Variants in GRID2 observed in about 807,000 individuals in gnomAD.
GRID2 encodes the protein glutamate receptor ionotropic, delta-2.
Under a neutral mutation model 114.8 loss-of-function variants are expected in GRID2, and 33 were observed. The ratio of observed to expected loss-of-function variants is 0.29; its 90% CI spans 0.22 to 0.38. GRID2 has a LOEUF of 0.38. Ranked by LOEUF, GRID2 falls within the 10% of genes least tolerant of loss-of-function variation. The pLI, the probability that GRID2 is intolerant of heterozygous loss-of-function variation, is 1.00. For synonymous variants in GRID2, 505 were observed against 449.9 expected, an observed-to-expected ratio of 1.12 and a Z score of -1.55; for missense variants, 1,184 against 1,257.7, an observed-to-expected ratio of 0.94 and a Z score of 0.89.
At chr4:92,600,060 A>ATATATATATC (rs1729149062) in intron 2 of GRID2, among the ~76,000 whole-genome samples, 1 of 122,408 alleles carries the variant, frequency 8.2e-6, no homozygotes, top group African/African-American at 3.3e-5. Flanking sequence ...ATATATATAT[A>ATATATATATC]TATATATATA....
At chr4:92,431,458 C>T (rs919251722) in intron 1 of GRID2, among the ~76,000 whole-genome samples, 1 of 151,842 alleles carries the variant, frequency 6.6e-6, no homozygotes, top group African/African-American at 2.4e-5. Context: ...CCCATTTGGT[C>T]ATGATAAATG....
intron 14 of GRID2, among the ~76,000 whole-genome samples, chr4:93,749,266 C>T (rs1732110541): frequency 6.6e-6 from 1 of 152,088 alleles, no homozygotes; most frequent in South Asian, 2.1e-4. Flanking sequence ...TCCTTTATGA[C>T]ACAAGGGCTT....
intron 2 of GRID2, among the ~76,000 whole-genome samples, chr4:93,037,580 G>A (rs892089497): frequency 9.9e-5 from 15 of 152,014 alleles, no homozygotes; most frequent in Non-Finnish European, 1.8e-4. Flanking sequence ...TAGGTCTTTC[G>A]TTTAAGTCTT....
intron 2 of GRID2, among the ~76,000 whole-genome samples, chr4:93,017,612 C>T (rs1020786618): frequency 4.0e-5 from 6 of 151,638 alleles, no homozygotes; most frequent in Non-Finnish European, 5.9e-5. Flanking sequence ...GTCAGGAGTT[C>T]GAGACCAACA....
In GRID2 at chr4:92,730,869, CATCT is replaced by C. The variant is rs370333271; in HGVS notation, c.244+140591_244+140594del. Among the ~76,000 whole-genome samples, 554 of 152,016 alleles carry C rather than the reference CATCT, an allele frequency of 3.6e-3. 2 individuals carry two copies. Among genetic ancestry groups the C allele is most frequent in the African/African-American group, 0.012 (480 of 41,516 alleles). ...TAGTAAATTATTCAGAAATCTAACT[CATCT>C]ATCTATCAAAAATTGCACTGAGTAA... On this transcript the variant is annotated intron_variant, in intron 2 of 15. Coordinates refer to ENST00000282020, the MANE Select transcript of GRID2 (RefSeq NM_001510.4).
chr4:93,644,573 C>G (rs1721936057), intron 14 of GRID2, among the ~76,000 whole-genome samples: 1 of 152,100 alleles, frequency 6.6e-6, no homozygotes, highest in South Asian at 2.1e-4. Flanking sequence ...CCTAAAAAAA[C>G]CATCGTGGCC....
chr4:92,921,754 C>T (rs890722102), intron 2 of GRID2, among the ~76,000 whole-genome samples: 2 of 152,148 alleles, frequency 1.3e-5, no homozygotes, highest in African/African-American at 4.8e-5. Flanking sequence ...TCAGTCTGCC[C>T]CTACTGGGGA....
intron 14 of GRID2, among the ~76,000 whole-genome samples, chr4:93,749,683 A>G (rs182883620): frequency 6.6e-6 from 1 of 152,326 alleles, no homozygotes; most frequent in African/African-American, 2.4e-5. Flanking sequence ...CACCTCCGCT[A>G]TGACACTTTC....
intron 2 of GRID2, among the ~76,000 whole-genome samples, chr4:92,765,963 C>T (rs1042219787): frequency 7.9e-5 from 12 of 152,132 alleles, no homozygotes; most frequent in African/African-American, 2.9e-4. Flanking sequence ...ATATACACTT[C>T]TGTAGAGACT....
At chr4:92,678,170 T>G (rs1205011296) in intron 2 of GRID2, among the ~76,000 whole-genome samples, 1 of 152,162 alleles carries the variant, frequency 6.6e-6, no homozygotes, top group Admixed American at 6.5e-5. Context: ...TCACTGAATA[T>G]TTTTTATTGC....
chr4:93,145,143 A>T (rs1736091461), intron 4 of GRID2, among the ~76,000 whole-genome samples: 1 of 152,160 alleles, frequency 6.6e-6, no homozygotes, highest in African/African-American at 2.4e-5. Context: ...AGAGAGACCC[A>T]TCTCTGATCA....
intron 1 of GRID2, among the ~76,000 whole-genome samples, chr4:92,467,022 A>C (rs1721791696): frequency 1.3e-5 from 2 of 151,854 alleles, no homozygotes; most frequent in Admixed American, 1.3e-4. Flanking sequence ...AAATACTCTC[A>C]TTTCATTGCA....
At chr4:93,161,353 G>T (rs1737668791) in intron 4 of GRID2, among the ~76,000 whole-genome samples, 1 of 151,758 alleles carries the variant, frequency 6.6e-6, no homozygotes, top group Non-Finnish European at 1.5e-5. Context: ...TCATTTCTGT[G>T]ACCTTTCTGA....
At chr4:93,536,036 C>T (rs1732032010) in intron 13 of GRID2, among the ~76,000 whole-genome samples, 2 of 151,758 alleles carry the variant, frequency 1.3e-5, no homozygotes, top group Admixed American at 6.6e-5. Flanking sequence ...TACTGTAAAA[C>T]ATTGATGATA....
At chr4:92,535,015 C>T (rs913902003) in intron 1 of GRID2, among the ~76,000 whole-genome samples, 2 of 152,086 alleles carry the variant, frequency 1.3e-5, no homozygotes, top group Admixed American at 6.5e-5. Context: ...AAAATATTCT[C>T]ATATTTTAAA....
chr4:93,501,687 C>T (rs1728122380), intron 12 of GRID2, among the ~76,000 whole-genome samples: 1 of 152,060 alleles, frequency 6.6e-6, no homozygotes, highest in African/African-American at 2.4e-5. Flanking sequence ...AAAGTTGTCT[C>T]ACAGTTTGTG....
At chr4:93,269,857 T>C (rs1297743674) in intron 8 of GRID2, among the ~76,000 whole-genome samples, 1 of 152,172 alleles carries the variant, frequency 6.6e-6, no homozygotes, top group East Asian at 1.9e-4. Flanking sequence ...TTTGGTGCAC[T>C]ACCAAATAAG....
chr4:93,490,006 T>G (rs1726827635), intron 11 of GRID2, among the ~76,000 whole-genome samples: 1 of 151,890 alleles, frequency 6.6e-6, no homozygotes. Context: ...TCGTTGATAT[T>G]GTCCATGGTG....
chr4:93,149,376 C>T (rs1288588424), intron 4 of GRID2, among the ~76,000 whole-genome samples: 3 of 151,982 alleles, frequency 2.0e-5, no homozygotes, highest in South Asian at 2.1e-4. Context: ...GAGTTCGAGA[C>T]CAACTTGGCC....
Sources: allele counts gnomAD v4.1 joint callset (sites outside exome capture counted in the v4.1 genomes callset), GRCh38; gene constraint gnomAD v4.1.1; transcripts MANE v1.5; gene names NCBI Gene and HGNC (gene_info 2026-07-23, HGNC 2026-07-21).